AFDN: variants seen among roughly 807,000 people sequenced by gnomAD.
AFDN encodes the protein afadin.
Under a neutral mutation model 216.6 loss-of-function variants are expected in AFDN, and 68 were observed. That is an observed-to-expected ratio of 0.31 (90% CI 0.26 to 0.38). The LOEUF (loss-of-function observed/expected upper bound fraction) is 0.38. Among genes scored for constraint, AFDN ranks in the 10% least tolerant of loss-of-function variants. AFDN has a pLI of 1.00. For synonymous variants in AFDN, 868 were observed against 853.7 expected (o/e 1.02, Z -0.29); for missense variants, 2,136 against 2,342.0 (o/e 0.91, Z 1.82).
intron 6 of AFDN, among the ~76,000 whole-genome samples, chr6:167,888,870 G>A (rs1347905561): frequency 6.6e-6 from 1 of 152,092 alleles, no homozygotes; most frequent in African/African-American, 2.4e-5. Context: ...AAGGACTAGA[G>A]AGATTGAAAT....
chr6:167,970,606 GATTA>G lies in AFDN; in HGVS notation c.*675_*678del, dbSNP rs1797961135. On this transcript the variant is annotated 3_prime_UTR_variant, in exon 34 of 34. Coordinates refer to ENST00000683244, the MANE Select transcript of AFDN (RefSeq NM_001386888.1). ...CTCTTCTGATCAATTCTAAATATTT[GATTA>G]ATTTTAATTCTGAAAGAAAATTTTG... 1 of 210,084 alleles carries G rather than the reference GATTA, an allele frequency of 4.8e-6. No homozygotes were observed. Among genetic ancestry groups the G allele is most frequent in the Non-Finnish European group, 9.7e-6 (1 of 103,576 alleles). 13.0% of individuals were successfully genotyped at this position (210,084 alleles called of 1,614,324 possible). A position where few individuals can be genotyped will look rare whatever the true frequency, so the allele number is the denominator to read the frequency against.
rs758257175 is a variant in AFDN at position 167,951,411 on chromosome 6, C to T, written c.4057C>T (p.Pro1353Ser). The T allele has an allele frequency of 1.2e-6, 2 of 1,614,102 alleles. No homozygotes were observed. The highest frequency in any genetic ancestry group is 1.6e-4 in the Middle Eastern group (1 of 6,062). Reference protein sequence around the residue: ...TKSGPGRWKTPAAIPATPVAV... With the variant: ...TKSGPGRWKTSAAIPATPVAV... ...AAGTGGCCCTGGCCGTTGGAAAACA[C>T]CAGCAGCCATACCGGCCACCCCTGT... is the stretch of plus-strand genomic sequence containing the variant. Residue 1353 changes from proline to serine, a missense_variant, in exon 30 of 34, where the codon CCA becomes TCA. Physicochemically the swap from Pro to Ser is moderately conservative, Grantham distance 74. Coordinates refer to ENST00000683244, the MANE Select transcript of AFDN (RefSeq NM_001386888.1). The surrounding 1 kb of genome is among the most constrained non-coding windows in gnomAD (Gnocchi z 7.1).
At chr6:167,846,519 G>A (rs1195495461) in intron 1 of AFDN, among the ~76,000 whole-genome samples, 1 of 151,948 alleles carries the variant, frequency 6.6e-6, no homozygotes, top group Non-Finnish European at 1.5e-5. Context: ...CATGAGCTTT[G>A]TAGAAATTAG....
chr6:167,851,955 T>C (rs945370219), intron 1 of AFDN, among the ~76,000 whole-genome samples: 18 of 152,236 alleles, frequency 1.2e-4, no homozygotes, highest in Admixed American at 5.9e-4. Context: ...TTACACATTT[T>C]TTAGCGTGAA....
At chr6:167,963,065 T>C (rs954269088) in intron 31 of AFDN, 3 of 1,069,162 alleles carry the variant, frequency 2.8e-6, no homozygotes, top group African/African-American at 3.3e-5. Flanking sequence ...GAAAACATGA[T>C]ACAGGAAAAT....
At chr6:167,901,709 C>T (rs1306322977) in intron 11 of AFDN, among the ~76,000 whole-genome samples, 1 of 152,090 alleles carries the variant, frequency 6.6e-6, no homozygotes, top group Non-Finnish European at 1.5e-5. Context: ...CCTTGTACAC[C>T]TCATTTATAT....
chr6:167,857,353 T>C (rs1488371004), intron 1 of AFDN, among the ~76,000 whole-genome samples: 2 of 152,080 alleles, frequency 1.3e-5, no homozygotes, highest in African/African-American at 2.4e-5. Context: ...CACCACGTTA[T>C]TGTGTTTAAG....
chr6:167,830,218 T>C (rs936565543), intron 1 of AFDN, among the ~76,000 whole-genome samples: 4 of 152,336 alleles, frequency 2.6e-5, no homozygotes, highest in South Asian at 2.1e-4. Context: ...TTTTAATCTT[T>C]CCTGTCACCT....
chr6:167,916,126 C>T (rs1791030659), intron 19 of AFDN, among the ~76,000 whole-genome samples: 1 of 152,184 alleles, frequency 6.6e-6, no homozygotes, highest in Non-Finnish European at 1.5e-5. Context: ...GGCCTTCCCC[C>T]TAGCTTCTGG....
At chr6:167,846,925 CAGTTT>C (rs1781762416) in intron 1 of AFDN, among the ~76,000 whole-genome samples, 1 of 151,690 alleles carries the variant, frequency 6.6e-6, no homozygotes, top group South Asian at 2.1e-4. Flanking sequence ...ATTGTTTTGC[CAGTTT>C]AGTTATTTGA....
At chr6:167,901,861 G>A (rs1789003057) in intron 11 of AFDN, among the ~76,000 whole-genome samples, 1 of 152,070 alleles carries the variant, frequency 6.6e-6, no homozygotes, top group Admixed American at 6.6e-5. Flanking sequence ...GGGAGGCTGA[G>A]GTGGGCGGAT....
At chr6:167,916,959 T>C (rs1791158256) in intron 19 of AFDN, 130 bp from the exon 20 acceptor site, 1 of 800,728 alleles carries the variant, frequency 1.2e-6, no homozygotes, top group Admixed American at 3.1e-5. Context: ...TGGAAGTCTG[T>C]TTCCTGAAAT....
At chr6:167,880,864 A>G (rs1346907966) in intron 6 of AFDN, among the ~76,000 whole-genome samples, 1 of 152,190 alleles carries the variant, frequency 6.6e-6, no homozygotes, top group Non-Finnish European at 1.5e-5. Flanking sequence ...TGCCTTAATT[A>G]CTGTAGATTT....
intron 16 of AFDN, chr6:167,913,771 G>C (rs938068480): frequency 2.5e-6 from 1 of 404,354 alleles, no homozygotes; most frequent in African/African-American, 2.0e-5. Context: ...TGAGTTGCAT[G>C]GTGTCCAAGC....
intron 1 of AFDN, among the ~76,000 whole-genome samples, chr6:167,849,282 A>G (rs1024627516): frequency 1.3e-5 from 2 of 151,906 alleles, no homozygotes; most frequent in African/African-American, 2.4e-5. Context: ...TTGATTTTAT[A>G]TGTTTATCTT....
rs138541711 is a variant in AFDN at position 167,951,822 on chromosome 6, C to T, written c.4468C>T (p.Pro1490Ser). Residue 1490 changes from proline to serine, a missense_variant, in exon 30 of 34, where the codon CCT becomes TCT. Pro to Ser is a moderately conservative substitution (Grantham distance 74). This residue lies in a region of AFDN where 981 missense variants were observed against 966.0 expected (regional missense o/e 1.02). Transcript: ENST00000683244. This position sits in a 1 kb window ranked among gnomAD's most constrained non-coding sequence, Gnocchi z 7.1. ...GGAAACAGTCATTCGGGAGCTGCAG[C>T]CTCAGCAGCAGCCCCGCACGATCGA... ...PQETVIRELQ[P>S]QQQPRTIERR... 6.2e-7 allele frequency: 1 copy of T among 1,614,150 alleles called. No individual in the cohort carries two copies.
chr6:167,957,407 G>A lies in AFDN; in HGVS notation c.4834-5026G>A, dbSNP rs533211630. On this transcript the variant is annotated intron_variant, in intron 30 of 33. Coordinates refer to ENST00000683244, the MANE Select transcript of AFDN (RefSeq NM_001386888.1). ...GGTAGGCAGTCGAGTGAGTGGGATC[G>A]GATTCCAGGCCAAGGTCCCAAGCTC... 9.8e-5 allele frequency among the ~76,000 whole-genome samples: 15 copies of A among 152,308 alleles called. No homozygotes were observed. In the East Asian group the frequency reaches 1.2e-3, roughly 12 times the overall value.
At chr6:167,886,450 C>T (rs35653611) in intron 6 of AFDN, among the ~76,000 whole-genome samples, 46,141 of 152,004 alleles carry the variant, frequency 0.3, 8,051 homozygotes, top group East Asian at 0.6. Context: ...GGTAATTGTA[C>T]ATTCTCTCTG....
In AFDN at chr6:167,970,715, A is replaced by C. The variant is rs1363600759; in HGVS notation, c.*780A>C. On this transcript the variant is annotated 3_prime_UTR_variant, in exon 34 of 34. Transcript: ENST00000683244. Reference sequence around the variant, plus strand: ...TAATAAATCACTGTTAAATTTAAAGATGACAGTTACCTTGGAAAGTTCACT... The same window carrying C: ...TAATAAATCACTGTTAAATTTAAAGCTGACAGTTACCTTGGAAAGTTCACT... The C allele has an allele frequency of 4.7e-6, 1 of 214,280 alleles. No homozygotes were observed. The highest frequency in any genetic ancestry group is 9.4e-6 in the Non-Finnish European group (1 of 106,278). 13.3% of individuals were successfully genotyped at this position (214,280 alleles called of 1,614,324 possible). A position where few individuals can be genotyped will look rare whatever the true frequency, so the allele number is the denominator to read the frequency against.
Sources: gnomAD v4.1 joint callset for allele counts (sites outside exome capture counted in the v4.1 genomes callset) on GRCh38, gnomAD v4.1.1 for gene constraint, gnomAD v4.1.1 regional missense constraint, Gnocchi (gnomAD v3.1) non-coding constraint, MANE v1.5 for transcripts, NCBI Gene and HGNC (gene_info 2026-07-23, HGNC 2026-07-21) for gene names.